The following YEATS2 variants were observed in gnomAD, a reference collection of about 807,000 sequenced individuals.
The protein encoded by YEATS2 is YEATS domain-containing protein 2.
In YEATS2, 77 loss-of-function variants were observed where a neutral mutation model predicts 163.2. The ratio of observed to expected loss-of-function variants is 0.47; its 90% CI spans 0.39 to 0.57. YEATS2 has a LOEUF of 0.57. YEATS2 is among the 20% of genes least tolerant of loss of function. The pLI is 0.00. For synonymous variants in YEATS2, 631 were observed against 645.1 expected (o/e 0.98, Z 0.33); for missense variants, 1,549 against 1,729.8 (o/e 0.90, Z 1.85).
At chr3:183,764,870 G>A (rs1009414911) in intron 15 of YEATS2, among the ~76,000 whole-genome samples, 12 of 152,144 alleles carry the variant, frequency 7.9e-5, no homozygotes, top group Non-Finnish European at 1.2e-4. Flanking sequence ...GTTTATTAAC[G>A]ACTTTCTCAG....
Position 183,756,536 on chromosome 3 carries a change from A to G in YEATS2, c.1399A>G (p.Ile467Val), listed in dbSNP as rs1359310428. ...TCTTTTTAATTAATAAGGTTCCCCAATATCAACTCCAAGCCCATCACCATT... is the reference window on the plus strand; with the variant it reads ...TCTTTTTAATTAATAAGGTTCCCCAGTATCAACTCCAAGCCCATCACCATT... Reference protein sequence around the residue: ...MSCKIVSGSPISTPSPSPLPR... With the variant: ...MSCKIVSGSPVSTPSPSPLPR... Residue 467 changes from isoleucine (I) to valine (V), a missense_variant, in exon 12 of 31, where the codon ATA (isoleucine) becomes GTA (valine). By Grantham distance (29) the Ile-to-Val change is conservative. Coordinates refer to ENST00000305135, the MANE Select transcript of YEATS2 (RefSeq NM_018023.5). The G allele has an allele frequency of 7.1e-6, 11 of 1,549,424 alleles. No individual in the cohort carries two copies. Among genetic ancestry groups the G allele is most frequent in the South Asian group, 2.5e-5 (2 of 79,016 alleles).
At chr3:183,707,284 T>G (rs1714712196) in intron 1 of YEATS2, among the ~76,000 whole-genome samples, 1 of 152,212 alleles carries the variant, frequency 6.6e-6, no homozygotes, top group African/African-American at 2.4e-5. Flanking sequence ...CACTATAGAT[T>G]AATTTGTCTC....
intron 19 of YEATS2, among the ~76,000 whole-genome samples, chr3:183,779,556 G>A (rs1320439210): frequency 6.6e-6 from 1 of 152,156 alleles, no homozygotes; most frequent in Non-Finnish European, 1.5e-5. Flanking sequence ...AAAAAAATAA[G>A]ATTTTGTAGT....
rs761078586 is a variant in YEATS2, at chr3:183,714,197, A to ATT, written c.-19-932_-19-931dup. Among the ~76,000 whole-genome samples the ATT allele has an allele frequency of 3.1e-4, 43 of 138,552 alleles. 1 individual carries two copies. Among genetic ancestry groups the ATT allele is most frequent in the African/African-American group, 9.0e-4 (34 of 37,726 alleles). The allele number at this position is 138,552 out of a possible 152,430, so 90.9% of individuals were successfully genotyped here. A position where few individuals can be genotyped will look rare whatever the true frequency, so the allele number is the denominator to read the frequency against. Reference sequence around the variant, plus strand: ...AGTAAAGGTCTAGAGGATTTATGGGATTTTTTTTTTTTTTTTGAGATGGAG... The same window carrying ATT: ...AGTAAAGGTCTAGAGGATTTATGGGATTTTTTTTTTTTTTTTTTGAGATGGAG... On this transcript the variant is annotated intron_variant, in intron 1 of 30. Transcript: ENST00000305135.
chr3:183,746,110 T>C (rs1342228833), intron 8 of YEATS2, among the ~76,000 whole-genome samples: 1 of 152,176 alleles, frequency 6.6e-6, no homozygotes, highest in Non-Finnish European at 1.5e-5. Context: ...TCACCCAGGC[T>C]GGTGTGCAGT....
At chr3:183,728,881 T>C in intron 7 of YEATS2, 30 bp downstream of exon 7, 2 of 1,575,712 alleles carry the variant, frequency 1.3e-6, no homozygotes, top group East Asian at 4.5e-5. Flanking sequence ...TTAACCTAAA[T>C]TGAAATGCAG....
rs1318125640 is a variant in YEATS2 at position 183,730,059 on chromosome 3, T to G, written c.812+1208T>G. 2.7e-3 allele frequency among the ~76,000 whole-genome samples: 194 copies of G among 72,384 alleles called. 4 individuals are homozygous for G. Among genetic ancestry groups the G allele is most frequent in the African/African-American group, 0.012 (146 of 12,198 alleles). 47.5% of individuals were successfully genotyped at this position (72,384 alleles called of 152,430 possible). On this transcript the variant is annotated intron_variant, in intron 7 of 30. Coordinates refer to ENST00000305135, the MANE Select transcript of YEATS2 (RefSeq NM_018023.5). ...TTGTGTGGTTTTTTGTTTGTTTTTT[T>G]TTTTTTTTTTTTTTTTTTTTTTTTT...
intron 8 of YEATS2, among the ~76,000 whole-genome samples, chr3:183,746,783 A>T (rs184153962): frequency 1.3e-5 from 2 of 151,834 alleles, no homozygotes; most frequent in Non-Finnish European, 2.9e-5. Context: ...ACTAACTCTC[A>T]TAACTGACTG....
intron 15 of YEATS2, 49 bp from the exon 16 acceptor site, chr3:183,772,256 G>A: frequency 6.2e-7 from 1 of 1,607,000 alleles, no homozygotes; most frequent in South Asian, 1.1e-5. Flanking sequence ...GGTGACTGCT[G>A]TTCTAAGAGC....
chr3:183,798,833 C>A, intron 22 of YEATS2, 58 bp from the exon 23 acceptor site: 1 of 1,345,784 alleles, frequency 7.4e-7, no homozygotes, highest in Non-Finnish European at 1.1e-6. Context: ...AAGTAGATCA[C>A]CCTCATTAAA....
rs77743769 is a variant in YEATS2, at chr3:183,764,256, A to T, written c.1947+1977A>T. Among the ~76,000 whole-genome samples the T allele has an allele frequency of 6.0e-3, 906 of 151,956 alleles. 7 individuals carry two copies. Among genetic ancestry groups the T allele is most frequent in the African/African-American group, 0.018 (757 of 41,420 alleles). On this transcript the variant is annotated intron_variant, in intron 15 of 30. Transcript: ENST00000305135. ...CATGGTGTCGGGCTCCTGTAATCTC[A>T]ACTAGTCAGGAGGCTGAGGCAGGAG... is the stretch of plus-strand genomic sequence containing the variant.
At chr3:183,745,344 G>C (rs1719417047) in intron 8 of YEATS2, among the ~76,000 whole-genome samples, 1 of 152,138 alleles carries the variant, frequency 6.6e-6, no homozygotes, top group Non-Finnish European at 1.5e-5. Context: ...CCTGCTCTCA[G>C]GGCTCATTTT....
At chr3:183,752,567 G>C (rs532170898) in intron 10 of YEATS2, among the ~76,000 whole-genome samples, 1 of 151,400 alleles carries the variant, frequency 6.6e-6, no homozygotes. Flanking sequence ...AATTTAGCTG[G>C]GTGTGATGGT....
At chr3:183,721,516 TTATTTG>T (rs1352024774) in intron 4 of YEATS2, among the ~76,000 whole-genome samples, 1 of 152,228 alleles carries the variant, frequency 6.6e-6, no homozygotes, top group Non-Finnish European at 1.5e-5. Flanking sequence ...ATACAGCTTT[TTATTTG>T]TATTTTTATA....
rs1029913666 is a variant in YEATS2 at position 183,742,857 on chromosome 3, G to A, written c.925-4815G>A. Among the ~76,000 whole-genome samples the A allele has an allele frequency of 3.3e-5, 5 of 152,258 alleles. No individual in the cohort carries two copies. In the South Asian group the frequency reaches 8.3e-4, roughly 25 times the overall value. On this transcript the variant is annotated intron_variant, in intron 8 of 30. Transcript: ENST00000305135. ...TGTTGTCTTGTTTTAAGAAATTGCC[G>A]TAGCCACCCAAACCTTCAACAAACA...
intron 30 of YEATS2, chr3:183,810,057 G>A (rs746117055): frequency 1.1e-5 from 2 of 181,402 alleles, no homozygotes; most frequent in East Asian, 3.3e-4. Flanking sequence ...AGTGACTTAG[G>A]TGCTTTTGAT....
At position 183,773,625 on chromosome 3, in the gene YEATS2, C is replaced by A; in HGVS notation, c.2207-8C>A. 1 of 1,589,854 alleles carries A rather than the reference C, an allele frequency of 6.3e-7. No homozygotes were observed. The highest frequency in any genetic ancestry group is 8.5e-7 in the Non-Finnish European group (1 of 1,171,436). On this transcript the variant is annotated splice_region_variant and splice_polypyrimidine_tract_variant and intron_variant, in intron 16 of 30. Coordinates refer to ENST00000305135, the MANE Select transcript of YEATS2 (RefSeq NM_018023.5). ...TATCTTACAATTTTTTCTCCTTTAC[C>A]ATTTTAGTAATGGCAACGTTGCAGC...
At chr3:183,795,818 C>G (rs1204524059) in intron 21 of YEATS2, among the ~76,000 whole-genome samples, 1 of 152,096 alleles carries the variant, frequency 6.6e-6, no homozygotes, top group Non-Finnish European at 1.5e-5. Flanking sequence ...AAGATCCTGT[C>G]TCTGGAAGTA....
chr3:183,724,569 T>A lies in YEATS2; in HGVS notation c.650+38T>A, dbSNP rs1716869312. On this transcript the variant is annotated intron_variant, in intron 6 of 30. Transcript: ENST00000305135. ...TTGAATTTATTTTTATTTGTCCATTTGTGTTAATATTTTGGCATTAATACT... is the reference window on the plus strand; with the variant it reads ...TTGAATTTATTTTTATTTGTCCATTAGTGTTAATATTTTGGCATTAATACT... 2.0e-6 allele frequency: 3 copies of A among 1,492,022 alleles called. No homozygotes were observed. The East Asian group carries it at 7.0e-5, about 35-fold the overall frequency. The allele number at this position is 1,492,022 out of a possible 1,614,324, so 92.4% of individuals were successfully genotyped here.
Sources: allele counts gnomAD v4.1 joint callset (sites outside exome capture counted in the v4.1 genomes callset), GRCh38; gene constraint gnomAD v4.1.1; transcripts MANE v1.5; gene names NCBI Gene and HGNC (gene_info 2026-07-23, HGNC 2026-07-21).